The following CREBZF variants were observed in gnomAD, a reference collection of about 807,000 sequenced individuals.
CREBZF encodes CREB/ATF bZIP transcription factor, also known as HCF-binding transcription factor Zhangfei.
Under a neutral mutation model 21.1 loss-of-function variants are expected in CREBZF, and 8 were observed. The observed-to-expected ratio is 0.38, with a 90% confidence interval of 0.22 to 0.68. CREBZF has a LOEUF of 0.68. CREBZF is among the 30% of genes least tolerant of loss of function. CREBZF has a pLI of 0.51. For missense variants in CREBZF, 518 were observed against 484.3 expected (o/e 1.07, Z -0.65); for synonymous variants, 270 against 223.3 (o/e 1.21, Z -1.86).
At position 85,658,254 on chromosome 11, in the gene CREBZF, T is replaced by A. The variant is rs534174396; in HGVS notation, c.*5557A>T. Among the ~76,000 whole-genome samples the A allele has an allele frequency of 2.6e-5, 4 of 152,018 alleles. No homozygotes were observed. The highest frequency in any genetic ancestry group is 2.6e-4 in the Admixed American group (4 of 15,254). On this transcript the variant is annotated 3_prime_UTR_variant, in exon 1 of 1. Transcript: ENST00000527447. ...ATGATATAACTAAGTTCTTTGACGATTGAGCACACATTGTTTCCTTACTTA... is the reference window on the plus strand; with the variant it reads ...ATGATATAACTAAGTTCTTTGACGAATGAGCACACATTGTTTCCTTACTTA...
At chr11:85,670,259 T>C (rs1265175901) in intron 1 of CREBZF, among the ~76,000 whole-genome samples, 2 of 113,606 alleles carry the variant, frequency 1.8e-5, no homozygotes, top group Non-Finnish European at 3.6e-5. Flanking sequence ...TATTTCCCCC[T>C]AACACTTTAA....
intron 1 of CREBZF, among the ~76,000 whole-genome samples, chr11:85,680,831 C>T (rs923109431): frequency 6.6e-6 from 1 of 152,242 alleles, no homozygotes; most frequent in African/African-American, 2.4e-5. Flanking sequence ...AAAAGGCTCC[C>T]TGCCTGATAA....
At chr11:85,671,043 A>T (rs1326868905) in intron 1 of CREBZF, among the ~76,000 whole-genome samples, 1 of 152,244 alleles carries the variant, frequency 6.6e-6, no homozygotes, top group Non-Finnish European at 1.5e-5. Context: ...ACTGCTACAA[A>T]GAACTGCTCA....
rs1481680336 is a variant in CREBZF, at chr11:85,659,594, C to A, written c.*4217G>T. 2 of 152,014 alleles carry A rather than the reference C, an allele frequency of 1.3e-5. No individual in the cohort carries two copies. Among genetic ancestry groups the A allele is most frequent in the Non-Finnish European group, 2.9e-5 (2 of 67,930 alleles). The allele number at this position is 152,014 out of a possible 1,614,324, so 9.4% of individuals were successfully genotyped here. A position where few individuals can be genotyped will look rare whatever the true frequency, so the allele number is the denominator to read the frequency against. ...AGTAAAAGCCAATCTCCTACCCAAT[C>A]CCTCTTCTATCAGCTGCACATTTCC... On this transcript the variant is annotated 3_prime_UTR_variant, in exon 1 of 1. Transcript: ENST00000527447.
intron 1 of CREBZF, among the ~76,000 whole-genome samples, chr11:85,675,900 G>A (rs1471609840): frequency 6.6e-6 from 1 of 152,142 alleles, no homozygotes; most frequent in African/African-American, 2.4e-5. Context: ...CGTGTCTAGG[G>A]CACTGTTGGA....
chr11:85,667,028 C>T (rs2082875275), upstream of CREBZF, among the ~76,000 whole-genome samples: 1 of 152,180 alleles, frequency 6.6e-6, no homozygotes, highest in African/African-American at 2.4e-5. Flanking sequence ...ATATTATTAA[C>T]TGATTATATT....
chr11:85,671,014 T>G (rs2082908000), intron 1 of CREBZF, among the ~76,000 whole-genome samples: 1 of 152,206 alleles, frequency 6.6e-6, no homozygotes, highest in Admixed American at 6.5e-5. Context: ...GATAAGCATG[T>G]GTATTAGTCC....
Position 85,663,927 on chromosome 11 carries a change from G to A in CREBZF, c.949C>T (p.Leu317=). The change falls in exon 1 of 1, where the codon CTG becomes TTG. Residue 317 remains leucine, a synonymous_variant. Transcript: ENST00000527447. The part of the protein sequence containing the change: ...ALPVGKQKQD[L]LEEDDSAGGV... ...CCCGCCGAGTCGTCCTCTTCCAGCAGGTCCTGCTTCTGCTTTCCCACCGGC... is the reference window on the plus strand; with the variant it reads ...CCCGCCGAGTCGTCCTCTTCCAGCAAGTCCTGCTTCTGCTTTCCCACCGGC... The A allele has an allele frequency of 6.2e-7, 1 of 1,613,818 alleles. No homozygotes were observed. The highest frequency in any genetic ancestry group is 8.5e-7 in the Non-Finnish European group (1 of 1,180,026).
rs1170116512 is a variant in CREBZF at position 85,663,705 on chromosome 11, C to G, written c.*106G>C. 5 of 1,604,184 alleles carry G rather than the reference C, an allele frequency of 3.1e-6. No homozygotes were observed. The African/African-American group carries it at 4.0e-5, about 13-fold the overall frequency. The stretch of plus-strand genomic sequence containing the variant: ...TTTAAGATTCAATATTACTTTTTTT[C>G]TCTCCTCTGAAATGTGTCCGGTGAA... On this transcript the variant is annotated 3_prime_UTR_variant, in exon 1 of 1. Coordinates refer to ENST00000527447, the MANE Select transcript of CREBZF (RefSeq NM_001039618.4).
At chr11:85,679,140 A>G (rs552284156) in intron 1 of CREBZF, among the ~76,000 whole-genome samples, 1 of 152,328 alleles carries the variant, frequency 6.6e-6, no homozygotes, top group South Asian at 2.1e-4. Context: ...AACAGGAGGT[A>G]CTGTGAAGCT....
Position 85,663,423 on chromosome 11 carries a change from G to GA in CREBZF, c.*387dup, listed in dbSNP as rs71274435. Reference sequence around the variant, plus strand: ...GATTTCCCTCCCACCTTCCAAAACAGAAAAAAAAAAAAAAATCACACACAC... The same window carrying GA: ...GATTTCCCTCCCACCTTCCAAAACAGAAAAAAAAAAAAAAAATCACACACAC... On this transcript the variant is annotated 3_prime_UTR_variant, in exon 1 of 1. Transcript: ENST00000527447. The GA allele has an allele frequency of 0.14, 76,940 of 550,600 alleles. 32 individuals carry two copies. The highest frequency in any genetic ancestry group is 0.16 in the South Asian group (7,749 of 48,736). The allele number at this position is 550,600 out of a possible 1,614,324, so 34.1% of individuals were successfully genotyped here.
chr11:85,671,312 G>A (rs541067374), intron 1 of CREBZF, among the ~76,000 whole-genome samples: 17 of 152,286 alleles, frequency 1.1e-4, no homozygotes, highest in Non-Finnish European at 2.1e-4. Context: ...TCCACAACAT[G>A]TGGGGATTAT....
At chr11:85,665,877 T>C (rs2153327235), upstream of CREBZF, among the ~76,000 whole-genome samples, 1 of 152,330 alleles carries the variant, frequency 6.6e-6, no homozygotes, top group Non-Finnish European at 1.5e-5. Flanking sequence ...CTTGTATGCC[T>C]GAAAACAAAG....
rs1223818932 is a variant in CREBZF, at chr11:85,660,700, T to G, written c.*3111A>C. ...TGTTGGATTATATCAGAGGTGTGAC[T>G]ACATTTTAACAAAAGTGGACTTTTT... On this transcript the variant is annotated 3_prime_UTR_variant, in exon 1 of 1. Coordinates refer to ENST00000527447, the MANE Select transcript of CREBZF (RefSeq NM_001039618.4). The G allele has an allele frequency of 5.0e-6, 2 of 398,640 alleles. No homozygotes were observed. The highest frequency in any genetic ancestry group is 6.4e-5 in the Admixed American group (2 of 31,136). The allele number at this position is 398,640 out of a possible 1,614,324, so 24.7% of individuals were successfully genotyped here.
rs1370989071 is a variant in CREBZF at position 85,662,168 on chromosome 11, C to G, written c.*1643G>C. 1.2e-5 allele frequency: 6 copies of G among 503,588 alleles called. No individual in the cohort carries two copies. In the Admixed American group the frequency reaches 1.6e-4, roughly 14 times the overall value. The allele number at this position is 503,588 out of a possible 1,614,324, so 31.2% of individuals were successfully genotyped here. ...CTGTGATGCACTGGAAACCAAAGACCAATTCAGGTCTCAAATCGTATTATC... is the reference window on the plus strand; with the variant it reads ...CTGTGATGCACTGGAAACCAAAGACGAATTCAGGTCTCAAATCGTATTATC... On this transcript the variant is annotated 3_prime_UTR_variant, in exon 1 of 1. Coordinates refer to ENST00000527447, the MANE Select transcript of CREBZF (RefSeq NM_001039618.4).
At chr11:85,679,944 A>G (rs924368440) in intron 1 of CREBZF, among the ~76,000 whole-genome samples, 3 of 152,226 alleles carry the variant, frequency 2.0e-5, no homozygotes, top group Non-Finnish European at 2.9e-5. Flanking sequence ...TTTCAATTTT[A>G]CTATATTTTG....
rs894556602 is a variant in CREBZF, at chr11:85,661,853, G to A, written c.*1958C>T. 1 of 152,050 alleles carries A rather than the reference G, an allele frequency of 6.6e-6. No homozygotes were observed. The highest frequency in any genetic ancestry group is 1.5e-5 in the Non-Finnish European group (1 of 67,922). 9.4% of individuals were successfully genotyped at this position (152,050 alleles called of 1,614,324 possible). The stretch of plus-strand genomic sequence containing the variant: ...ATATATACAAAATGTTCAAGTATTA[G>A]TTAAATTTCAATTCAAGGCTTCTGT... On this transcript the variant is annotated 3_prime_UTR_variant, in exon 1 of 1. Coordinates refer to ENST00000527447, the MANE Select transcript of CREBZF (RefSeq NM_001039618.4).
At chr11:85,680,294 GAACCTGTTCCCTATTGATGGTATAT>G (rs755747493) in intron 1 of CREBZF, among the ~76,000 whole-genome samples, 3 of 152,320 alleles carry the variant, frequency 2.0e-5, no homozygotes, top group East Asian at 3.9e-4. Context: ...TCCAAAGTGT[GAACCTGTTCCCTATTGATGGTATAT>G]AACCTGTTCC....
Position 85,664,191 on chromosome 11 carries a change from C to G in CREBZF, c.685G>C (p.Val229Leu). 1 of 1,613,542 alleles carries G rather than the reference C, an allele frequency of 6.2e-7. No homozygotes were observed. The highest frequency in any genetic ancestry group is 8.5e-7 in the Non-Finnish European group (1 of 1,180,036). Residue 229 changes from valine (V) to leucine (L), a missense_variant, in exon 1 of 1, where the codon GTG (valine) becomes CTG (leucine). Val to Leu is a conservative substitution (Grantham distance 32, BLOSUM62 1). Transcript: ENST00000527447. The surrounding 1 kb of genome is among the most constrained non-coding windows in gnomAD (Gnocchi z 5.5). ...RLNRLKKKEY[V>L]MGLESRVRGL... ...CGGACTCGACTCTCCAGCCCCATCA[C>G]GTACTCCTTCTTCTTCAGTCGATTA...
Sources: allele counts gnomAD v4.1 joint callset (sites outside exome capture counted in the v4.1 genomes callset), GRCh38; gene constraint gnomAD v4.1.1; non-coding constraint Gnocchi (gnomAD v3.1); transcripts MANE v1.5; gene names NCBI Gene and HGNC (gene_info 2026-07-23, HGNC 2026-07-21).